LRMDA: variants seen among roughly 807,000 people sequenced by gnomAD.
LRMDA encodes the protein leucine-rich melanocyte differentiation-associated protein.
A neutral mutation model predicts 29.8 loss-of-function variants in LRMDA; 18 were observed. That is an observed-to-expected ratio of 0.60 (90% confidence interval 0.42 to 0.90). The LOEUF (loss-of-function observed/expected upper bound fraction) is 0.90. LRMDA is among the 40% of genes least tolerant of loss of function. The pLI is 0.00. For synonymous variants in LRMDA, 125 were observed against 109.4 expected (o/e 1.14, Z -0.89); for missense variants, 273 against 273.9 (o/e 1.00, Z 0.02).
At chr10:76,325,472 G>A (rs887480059) in intron 6 of LRMDA, among the ~76,000 whole-genome samples, 1 of 152,168 alleles carries the variant, frequency 6.6e-6, no homozygotes, top group African/African-American at 2.4e-5. Context: ...AGAATAAGCA[G>A]CTGCCAACCT....
chr10:76,335,357 T>G (rs1289085492), intron 6 of LRMDA, among the ~76,000 whole-genome samples: 2 of 152,216 alleles, frequency 1.3e-5, no homozygotes, highest in Non-Finnish European at 2.9e-5. Context: ...GTGAGAAGTT[T>G]TTCTTGTTGC....
chr10:76,550,254 C>T (rs1308258975), intron 6 of LRMDA, among the ~76,000 whole-genome samples: 2 of 152,066 alleles, frequency 1.3e-5, no homozygotes, highest in African/African-American at 4.8e-5. Context: ...GACAAATTAC[C>T]AGACTAGTTT....
intron 2 of LRMDA, among the ~76,000 whole-genome samples, chr10:75,520,578 G>T (rs550491983): frequency 6.6e-6 from 1 of 152,058 alleles, no homozygotes; most frequent in Admixed American, 6.5e-5. Context: ...TTAGCCATTC[G>T]TCTAGCCATT....
intron 2 of LRMDA, among the ~76,000 whole-genome samples, chr10:75,644,049 G>A (rs1841484654): frequency 2.0e-5 from 3 of 152,192 alleles, no homozygotes; most frequent in Admixed American, 2.0e-4. Context: ...TTCGAGACAT[G>A]GGATTCAGGA....
intron 2 of LRMDA, among the ~76,000 whole-genome samples, chr10:75,780,268 A>T (rs2204754): frequency 0.4 from 60,619 of 151,790 alleles, 13,299 homozygotes; most frequent in South Asian, 0.54. Flanking sequence ...TATACTGTGA[A>T]GTGACTCACA....
At chr10:76,393,822 T>A (rs1841751696) in intron 6 of LRMDA, among the ~76,000 whole-genome samples, 1 of 152,192 alleles carries the variant, frequency 6.6e-6, no homozygotes, top group Admixed American at 6.5e-5. Flanking sequence ...TAATCCACTT[T>A]GAGTTGATTT....
intron 2 of LRMDA, among the ~76,000 whole-genome samples, chr10:75,700,205 A>G (rs898679387): frequency 2.0e-5 from 3 of 151,868 alleles, no homozygotes; most frequent in East Asian, 1.9e-4. Flanking sequence ...GCTATGATTC[A>G]TTTATTAAAG....
intron 2 of LRMDA, among the ~76,000 whole-genome samples, chr10:76,009,120 A>T (rs1437637585): frequency 2.0e-5 from 3 of 152,124 alleles, no homozygotes; most frequent in African/African-American, 7.2e-5. Flanking sequence ...ATTTACAAAC[A>T]ATAACAAAGC....
chr10:76,008,645 CA>C (rs1847719504), intron 2 of LRMDA, among the ~76,000 whole-genome samples: 2 of 152,262 alleles, frequency 1.3e-5, no homozygotes, highest in Non-Finnish European at 2.9e-5. Context: ...GTCCACACTG[CA>C]GTCCTCTGCC....
intron 2 of LRMDA, among the ~76,000 whole-genome samples, chr10:75,665,530 A>C (rs1292505754): frequency 6.6e-6 from 1 of 152,244 alleles, no homozygotes; most frequent in African/African-American, 2.4e-5. Context: ...TATAATAAAA[A>C]AAATGCTTTC....
intron 5 of LRMDA, among the ~76,000 whole-genome samples, chr10:76,291,410 T>C (rs1840338755): frequency 1.3e-5 from 2 of 152,182 alleles, no homozygotes; most frequent in Non-Finnish European, 2.9e-5. Context: ...TGTTTTACAA[T>C]TGTGGGGGAT....
At chr10:76,412,542 C>T (rs766205472) in intron 6 of LRMDA, among the ~76,000 whole-genome samples, 1 of 152,136 alleles carries the variant, frequency 6.6e-6, no homozygotes, top group Non-Finnish European at 1.5e-5. Context: ...CTGGGGGACT[C>T]TGCCCTTTCT....
At chr10:76,344,605 A>G (rs1000233981) in intron 6 of LRMDA, among the ~76,000 whole-genome samples, 1 of 152,198 alleles carries the variant, frequency 6.6e-6, no homozygotes, top group African/African-American at 2.4e-5. Context: ...AAAGAATTAT[A>G]ATGAGGGAAA....
At chr10:75,948,783 G>A (rs759373719) in intron 2 of LRMDA, among the ~76,000 whole-genome samples, 5 of 152,082 alleles carry the variant, frequency 3.3e-5, no homozygotes, top group Admixed American at 1.3e-4. Flanking sequence ...AGGACCCATG[G>A]CTGCTGTGGT....
chr10:75,789,405 A>G (rs1201126515), intron 2 of LRMDA, among the ~76,000 whole-genome samples: 5 of 152,226 alleles, frequency 3.3e-5, no homozygotes, highest in South Asian at 4.1e-4. Context: ...TGAACATTAC[A>G]TGTAGGGTCG....
chr10:75,508,261 T>G (rs1001600995), intron 2 of LRMDA, among the ~76,000 whole-genome samples: 1 of 39,262 alleles, frequency 2.5e-5, no homozygotes, highest in Non-Finnish European at 1.1e-4. Flanking sequence ...ATGGTGGTGT[T>G]TTTTTCCCCC....
chr10:76,008,008 T>C (rs1234702349), intron 2 of LRMDA, among the ~76,000 whole-genome samples: 2 of 152,166 alleles, frequency 1.3e-5, no homozygotes, highest in East Asian at 3.9e-4. Flanking sequence ...TCTCTCGAGC[T>C]CTCATCTGAA....
At chr10:75,782,888 C>A in intron 2 of LRMDA, 1 of 1,601,498 alleles carries the variant, frequency 6.2e-7, no homozygotes, top group South Asian at 1.1e-5. Flanking sequence ...GGAGTACCTG[C>A]TGTTGCTCTC....
At chr10:75,725,893 G>A (rs1369286648) in intron 2 of LRMDA, among the ~76,000 whole-genome samples, 2 of 152,178 alleles carry the variant, frequency 1.3e-5, no homozygotes, top group Non-Finnish European at 2.9e-5. Context: ...CCCTAGAGTA[G>A]AGATGTTGGA....
Sources: allele counts gnomAD v4.1 joint callset (sites outside exome capture counted in the v4.1 genomes callset), GRCh38; gene constraint gnomAD v4.1.1; transcripts MANE v1.5; gene names NCBI Gene and HGNC (gene_info 2026-07-23, HGNC 2026-07-21).